ZNF106: variants seen among roughly 807,000 people sequenced by gnomAD.
The protein encoded by ZNF106 is SH3-domain binding protein 3.
Under a neutral mutation model 195.1 loss-of-function variants are expected in ZNF106, and 67 were observed. The observed-to-expected ratio is 0.34, with a 90% CI of 0.28 to 0.42. ZNF106 has a LOEUF of 0.42. ZNF106 is among the 10% of genes least tolerant of loss of function. The probability of loss-of-function intolerance (pLI) is 1.00; values close to 1 mark genes in which losing one functional copy is unlikely to be tolerated. For synonymous variants in ZNF106, 784 were observed against 818.6 expected (o/e 0.96, Z 0.72); for missense variants, 2,118 against 2,304.5 (o/e 0.92, Z 1.66).
At chr15:42,471,362 A>G (rs915038750) in intron 2 of ZNF106, among the ~76,000 whole-genome samples, 5 of 152,232 alleles carry the variant, frequency 3.3e-5, no homozygotes, top group African/African-American at 9.6e-5. Context: ...AACTAGCAGC[A>G]CTACTCTGAA....
intron 20 of ZNF106, among the ~76,000 whole-genome samples, chr15:42,419,607 G>A (rs76636207): frequency 0.054 from 8,153 of 152,076 alleles, 659 homozygotes; most frequent in African/African-American, 0.17. Context: ...TTTCCCTACA[G>A]GCTTGTTGGT....
intron 1 of ZNF106, among the ~76,000 whole-genome samples, chr15:42,485,129 G>T (rs942733528): frequency 1.3e-5 from 2 of 152,216 alleles, no homozygotes; most frequent in South Asian, 4.1e-4. Flanking sequence ...AGCCTGGGGG[G>T]TCAGAGTGAG....
At chr15:42,424,212 G>T in intron 16 of ZNF106, 152 bp from the exon 17 acceptor site, 1 of 627,364 alleles carries the variant, frequency 1.6e-6, no homozygotes, top group Non-Finnish European at 2.8e-6. Flanking sequence ...AATTTTCTCA[G>T]CTGAAACTTA....
At position 42,451,366 on chromosome 15, in the gene ZNF106, A is replaced by G. The variant is rs967410195; in HGVS notation, c.906T>C (p.Asn302=). Residue 302 remains asparagine, a synonymous_variant, in exon 5 of 22, where the codon AAT becomes AAC. Transcript: ENST00000564754. Reference sequence around the variant, plus strand: ...GTTTGTCATTTTCTTGCCGCTGCCAATTATATCTGTCGTGACTGTATTTGT... The same window carrying G: ...GTTTGTCATTTTCTTGCCGCTGCCAGTTATATCTGTCGTGACTGTATTTGT... The part of the protein sequence containing the change: ...KSNKYSHDRY[N]WQRQENDKLG... 4 of 1,613,814 alleles carry G rather than the reference A, an allele frequency of 2.5e-6. No homozygotes were observed. Among genetic ancestry groups the G allele is most frequent in the Admixed American group, 3.3e-5 (2 of 59,976 alleles).
Position 42,431,833 on chromosome 15 carries a change from C to T in ZNF106, c.4881+3551G>A, listed in dbSNP as rs370905490. Among the ~76,000 whole-genome samples, 43 of 152,200 alleles carry T rather than the reference C, an allele frequency of 2.8e-4. No individual in the cohort carries two copies. In the East Asian group the frequency reaches 7.3e-3, roughly 26 times the overall value. On this transcript the variant is annotated intron_variant, in intron 14 of 21. Transcript: ENST00000564754. ...TTCGCCATGTTGGCTAGGCTGGTCT[C>T]GAACTCCTGACCTCAAGTGATCCAC...
chr15:42,449,324 CCA>C (rs2055895034), intron 5 of ZNF106, among the ~76,000 whole-genome samples: 1 of 151,936 alleles, frequency 6.6e-6, no homozygotes, highest in Non-Finnish European at 1.5e-5. Flanking sequence ...AAGATAATGC[CCA>C]GAGTACATAC....
rs755682101 is a variant in ZNF106, at chr15:42,446,590, T to G, written c.3204A>C (p.Lys1068Asn). 6.3e-7 allele frequency: 1 copy of G among 1,585,684 alleles called. No homozygotes were observed. The highest frequency in any genetic ancestry group is 8.6e-7 in the Non-Finnish European group (1 of 1,161,924). The change falls in exon 7 of 22, where the codon AAA (lysine) becomes AAC (asparagine). Residue 1068 changes from lysine to asparagine, a missense_variant and splice_region_variant. Transcript: ENST00000564754. Reference sequence around the variant, plus strand: ...CTTCCAAAATATTCTGCACCATACCTTTTTTTCCTTTAATTTTCCTTCTTT... The same window carrying G: ...CTTCCAAAATATTCTGCACCATACCGTTTTTTCCTTTAATTTTCCTTCTTT... ...KNKRRKIKGK[K>N]ERSQVDQLLN...
rs1242243804 is a variant in ZNF106, at chr15:42,438,627, A to C, written c.4585T>G (p.Ser1529Ala). 1 of 1,613,700 alleles carries C rather than the reference A, an allele frequency of 6.2e-7. No individual in the cohort carries two copies. The highest frequency in any genetic ancestry group is 8.5e-7 in the Non-Finnish European group (1 of 1,179,730). Residue 1529 changes from serine to alanine, a missense_variant, in exon 12 of 22, where the codon TCA becomes GCA. Coordinates refer to ENST00000564754, the MANE Select transcript of ZNF106 (RefSeq NM_001366845.3). ...TQTVISSIKG[S>A]KNSSEISSEP... ...CAGCAAATACCTGAAGAATTCTTTGATCCTTTTATGGAGGAGATCACAGTC... is the reference window on the plus strand; with the variant it reads ...CAGCAAATACCTGAAGAATTCTTTGCTCCTTTTATGGAGGAGATCACAGTC...
chr15:42,423,553 A>T (rs950065003), intron 17 of ZNF106, among the ~76,000 whole-genome samples: 16 of 151,634 alleles, frequency 1.1e-4, no homozygotes, highest in African/African-American at 2.2e-4. Context: ...TTAAAAAAAA[A>T]TTTTTTTTAA....
chr15:42,422,362 G>A, intron 18 of ZNF106, 139 bp downstream of exon 18: 1 of 1,176,566 alleles, frequency 8.5e-7, no homozygotes. Flanking sequence ...CAGGCCAGCT[G>A]TTTCATAATT....
intron 1 of ZNF106, among the ~76,000 whole-genome samples, chr15:42,477,888 C>G (rs1595495611): frequency 6.7e-6 from 1 of 150,142 alleles, no homozygotes; most frequent in East Asian, 2.0e-4. Flanking sequence ...GAAACTCAGC[C>G]TCAAAAAAAA....
At chr15:42,423,848 A>G (rs2054756917) in intron 17 of ZNF106, 150 bp downstream of exon 17, 5 of 627,506 alleles carry the variant, frequency 8.0e-6, no homozygotes, top group Non-Finnish European at 1.3e-5. Context: ...AAATTACACA[A>G]TATTATCCAA....
rs2054394539 is a variant in ZNF106, at chr15:42,414,929, C to T, written c.*2375G>A. The stretch of plus-strand genomic sequence containing the variant: ...TAGGGGTGAGAGGTGGGAAAAGCTT[C>T]TCAATCTCATACAGAAACAGCACAA... On this transcript the variant is annotated 3_prime_UTR_variant, in exon 22 of 22. Transcript: ENST00000564754. The T allele has an allele frequency of 6.6e-6, 1 of 152,226 alleles. No individual in the cohort carries two copies. Among genetic ancestry groups the T allele is most frequent in the Non-Finnish European group, 1.5e-5 (1 of 68,088 alleles). 9.4% of individuals were successfully genotyped at this position (152,226 alleles called of 1,614,324 possible). A position where few individuals can be genotyped will look rare whatever the true frequency, so the allele number is the denominator to read the frequency against.
intron 10 of ZNF106, among the ~76,000 whole-genome samples, chr15:42,441,246 G>T (rs1243012261): frequency 6.6e-5 from 10 of 150,878 alleles, no homozygotes; most frequent in Admixed American, 4.6e-4. Flanking sequence ...TGGAGGATGA[G>T]GTGGGAGGAT....
chr15:42,441,044 T>A (rs2055513585), intron 10 of ZNF106, among the ~76,000 whole-genome samples: 1 of 101,148 alleles, frequency 9.9e-6, no homozygotes, highest in African/African-American at 3.5e-5. Context: ...TATATATATA[T>A]ATATGCTAAG....
chr15:42,464,397 A>G (rs1019490083), intron 3 of ZNF106, among the ~76,000 whole-genome samples: 3 of 151,990 alleles, frequency 2.0e-5, no homozygotes, highest in African/African-American at 7.2e-5. Flanking sequence ...GATAAGATAT[A>G]ATTCCTATTT....
At chr15:42,484,499 C>T (rs567824497) in intron 1 of ZNF106, among the ~76,000 whole-genome samples, 3 of 152,326 alleles carry the variant, frequency 2.0e-5, no homozygotes, top group East Asian at 1.9e-4. Context: ...TGGCGGCTCA[C>T]GCCTGTAATC....
chr15:42,418,174 G>T (rs2054523760), intron 20 of ZNF106, among the ~76,000 whole-genome samples: 1 of 152,112 alleles, frequency 6.6e-6, no homozygotes, highest in African/African-American at 2.4e-5. Flanking sequence ...TTTTGAGAGG[G>T]CACAGCACTA....
chr15:42,475,807 T>C (rs936704723), intron 1 of ZNF106, among the ~76,000 whole-genome samples: 2 of 152,176 alleles, frequency 1.3e-5, no homozygotes, highest in Non-Finnish European at 2.9e-5. Flanking sequence ...TAAATTGTGC[T>C]TCCAATTATT....
Sources: allele counts gnomAD v4.1 joint callset (sites outside exome capture counted in the v4.1 genomes callset), GRCh38; gene constraint gnomAD v4.1.1; transcripts MANE v1.5; gene names NCBI Gene and HGNC (gene_info 2026-07-23, HGNC 2026-07-21).